The following TCF12 variants were observed in gnomAD, a reference collection of about 807,000 sequenced individuals.
TCF12 encodes transcription factor 12.
A neutral mutation model predicts 86.0 loss-of-function variants in TCF12; 45 were observed. The observed-to-expected ratio is 0.52, with a 90% CI of 0.41 to 0.67. TCF12 has a LOEUF of 0.67. Ranked by LOEUF, TCF12 falls within the 30% of genes least tolerant of loss-of-function variation. The pLI, the probability that TCF12 is intolerant of heterozygous loss-of-function variation, is 0.00. For synonymous variants in TCF12, 330 were observed against 299.6 expected (o/e 1.10, Z -1.05); for missense variants, 881 against 859.9 (o/e 1.02, Z -0.31).
intron 19 of TCF12, chr15:57,278,818 T>C (rs1336260939): frequency 6.7e-6 from 1 of 150,114 alleles, no homozygotes; most frequent in Non-Finnish European, 1.5e-5. Flanking sequence ...TCTCCTTTTC[T>C]TTTTCTTTCT....
At chr15:57,198,912 T>C (rs368283017) in intron 8 of TCF12, among the ~76,000 whole-genome samples, 2 of 152,146 alleles carry the variant, frequency 1.3e-5, no homozygotes, top group Non-Finnish European at 2.9e-5. Context: ...GATACAATCT[T>C]TTTGGTTGTC....
intron 5 of TCF12, chr15:57,118,482 C>T (rs541301924): frequency 2.0e-5 from 3 of 151,956 alleles, no homozygotes; most frequent in South Asian, 4.1e-4. Flanking sequence ...TTTTGATATA[C>T]TTTGACATCT....
chr15:57,242,625 G>A (rs1597573459), intron 12 of TCF12, among the ~76,000 whole-genome samples: 2 of 152,174 alleles, frequency 1.3e-5, no homozygotes. Flanking sequence ...CTGAGATTGC[G>A]CCGTTGCACT....
intron 3 of TCF12, among the ~76,000 whole-genome samples, chr15:56,922,817 T>C (rs1284643283): frequency 6.6e-6 from 1 of 152,006 alleles, no homozygotes; most frequent in Non-Finnish European, 1.5e-5. Context: ...TGTGATTTTT[T>C]TTCAAATCAA....
chr15:57,160,384 A>G (rs749469539), intron 5 of TCF12, among the ~76,000 whole-genome samples: 11 of 152,176 alleles, frequency 7.2e-5, no homozygotes, highest in Non-Finnish European at 1.2e-4. Flanking sequence ...TCATAAGGAC[A>G]GCATGGAGGT....
At position 57,032,437 on chromosome 15, in the gene TCF12, C is replaced by T. The variant is rs114888955; in HGVS notation, c.149-31313C>T. On this transcript the variant is annotated intron_variant, in intron 3 of 20. Coordinates refer to ENST00000333725, the MANE Select transcript of TCF12 (RefSeq NM_207037.2). The stretch of plus-strand genomic sequence containing the variant: ...ATATTCTGAGTTTTTTGTGTCGTTT[C>T]GGCTTTTTGAGGCAGGGTCTTAACT... 3.0e-3 allele frequency among the ~76,000 whole-genome samples: 463 copies of T among 152,228 alleles called. 2 individuals carry two copies. Among genetic ancestry groups the T allele is most frequent in the African/African-American group, 0.011 (437 of 41,538 alleles).
chr15:57,222,196 T>TAAACAG (rs1177209629), intron 8 of TCF12, among the ~76,000 whole-genome samples: 2 of 151,370 alleles, frequency 1.3e-5, no homozygotes, highest in African/African-American at 4.8e-5. Flanking sequence ...GTCCTGCTCT[T>TAAACAG]AAACAGAAAG....
chr15:56,962,409 A>G (rs186450307), intron 3 of TCF12, among the ~76,000 whole-genome samples: 68 of 152,212 alleles, frequency 4.5e-4, no homozygotes, highest in Non-Finnish European at 7.4e-5. Flanking sequence ...TTTTGTTCTT[A>G]GTCGCCTTTA....
chr15:56,934,582 A>G (rs2045386651), intron 3 of TCF12, among the ~76,000 whole-genome samples: 1 of 152,090 alleles, frequency 6.6e-6, no homozygotes, highest in Admixed American at 6.6e-5. Context: ...AGCATCCAGT[A>G]TTGTCCCTTT....
intron 19 of TCF12, among the ~76,000 whole-genome samples, chr15:57,274,776 G>A (rs892808496): frequency 6.6e-6 from 1 of 152,096 alleles, no homozygotes; most frequent in Non-Finnish European, 1.5e-5. Flanking sequence ...TTACTGTCTG[G>A]TCAACAGGAG....
At position 57,208,380 on chromosome 15, in the gene TCF12, C is replaced by CTTTTTTTTTTTTTTTTTTTTTTTTTT. The variant is rs1184422578; in HGVS notation, c.579+10574_579+10575insTTTTTTTTTTTTTTTTTTTTTTTTTT. 3.4e-4 allele frequency among the ~76,000 whole-genome samples: 22 copies of CTTTTTTTTTTTTTTTTTTTTTTTTTT among 65,588 alleles called. 4 individuals are homozygous for CTTTTTTTTTTTTTTTTTTTTTTTTTT. The highest frequency in any genetic ancestry group is 8.8e-4 in the African/African-American group (13 of 14,844). The allele number at this position is 65,588 out of a possible 152,430, so 43.0% of individuals were successfully genotyped here. ...ACCTTGTTCTTTGGACAAAAATATC[C>CTTTTTTTTTTTTTTTTTTTTTTTTTT]TTTTTTTTTTTTTTTTTTTGGAGAC... On this transcript the variant is annotated intron_variant, in intron 8 of 20. Transcript: ENST00000333725.
intron 8 of TCF12, among the ~76,000 whole-genome samples, chr15:57,203,312 C>T (rs987736356): frequency 6.6e-6 from 1 of 152,132 alleles, no homozygotes; most frequent in African/African-American, 2.4e-5. Flanking sequence ...CCCTCTGAAG[C>T]ATTTCTCAGA....
intron 8 of TCF12, among the ~76,000 whole-genome samples, chr15:57,225,678 A>T (rs2058840846): frequency 6.6e-6 from 1 of 152,142 alleles, no homozygotes; most frequent in Non-Finnish European, 1.5e-5. Flanking sequence ...ATTTTCTCTG[A>T]TATCTTCCTA....
chr15:56,923,442 G>A (rs1231211854), intron 3 of TCF12, among the ~76,000 whole-genome samples: 1 of 152,046 alleles, frequency 6.6e-6, no homozygotes, highest in African/African-American at 2.4e-5. Context: ...CCTTCATCAG[G>A]GTGTTAAAAT....
chr15:57,204,277 A>G (rs1336803687), intron 8 of TCF12, among the ~76,000 whole-genome samples: 5 of 152,074 alleles, frequency 3.3e-5, no homozygotes, highest in African/African-American at 4.8e-5. Context: ...CTGCACACAC[A>G]CACACAAAAA....
chr15:57,128,444 A>AT (rs1164782750), intron 5 of TCF12, among the ~76,000 whole-genome samples: 1 of 152,180 alleles, frequency 6.6e-6, no homozygotes, highest in Non-Finnish European at 1.5e-5. Context: ...GAAGTTTGCC[A>AT]TTTTTTAAAA....
At chr15:56,981,339 A>G (rs2062880211) in intron 3 of TCF12, among the ~76,000 whole-genome samples, 1 of 152,224 alleles carries the variant, frequency 6.6e-6, no homozygotes, top group Non-Finnish European at 1.5e-5. Context: ...GAAGCCATGC[A>G]TTGATGCCTC....
downstream of TCF12, chr15:57,291,250 A>G (rs1173101299): frequency 6.6e-6 from 1 of 152,254 alleles, no homozygotes; most frequent in Non-Finnish European, 1.5e-5. Flanking sequence ...ATCCCCCCAC[A>G]TACTTTCAAT....
chr15:57,138,190 G>A (rs2052693665), intron 5 of TCF12, among the ~76,000 whole-genome samples: 1 of 152,120 alleles, frequency 6.6e-6, no homozygotes, highest in Non-Finnish European at 1.5e-5. Flanking sequence ...TAATATCACT[G>A]ATGGCTAAAT....
Sources: allele counts gnomAD v4.1 joint callset (sites outside exome capture counted in the v4.1 genomes callset), GRCh38; gene constraint gnomAD v4.1.1; transcripts MANE v1.5; gene names NCBI Gene and HGNC (gene_info 2026-07-23, HGNC 2026-07-21).